MCEE: variants seen among roughly 807,000 people sequenced by gnomAD.
MCEE encodes methylmalonyl-CoA epimerase, mitochondrial.
In MCEE, 6 loss-of-function variants were observed where a neutral mutation model predicts 12.9. That is an observed-to-expected ratio of 0.47 (90% CI 0.26 to 0.92). The LOEUF (loss-of-function observed/expected upper bound fraction) is 0.92. Ranked by LOEUF, MCEE falls within the 40% of genes least tolerant of loss-of-function variation. The pLI is 0.16. For missense variants in MCEE, 214 were observed against 212.1 expected (o/e 1.01, Z -0.05); for synonymous variants, 78 against 77.9 (o/e 1.00, Z -0.01).
At position 71,109,869 on chromosome 2, in the gene MCEE, T is replaced by C; in HGVS notation, c.*101A>G. 2 of 1,136,388 alleles carry C rather than the reference T, an allele frequency of 1.8e-6. No homozygotes were observed. The highest frequency in any genetic ancestry group is 1.9e-5 in the Admixed American group (1 of 53,890). The allele number at this position is 1,136,388 out of a possible 1,614,324, so 70.4% of individuals were successfully genotyped here. A position where few individuals can be genotyped will look rare whatever the true frequency, so the allele number is the denominator to read the frequency against. ...TAATTCAGTCTTTAACTGTGAACTTTTACATGATGGAAGCAGTGAAGGACT... is the reference window on the plus strand; with the variant it reads ...TAATTCAGTCTTTAACTGTGAACTTCTACATGATGGAAGCAGTGAAGGACT... On this transcript the variant is annotated 3_prime_UTR_variant, in exon 3 of 3. Transcript: ENST00000244217.
chr2:71,115,864 C>T (rs971358825), intron 2 of MCEE, among the ~76,000 whole-genome samples: 3 of 149,128 alleles, frequency 2.0e-5, no homozygotes, highest in South Asian at 2.1e-4. Context: ...CTAATGTAGA[C>T]GACGGGTTAA....
intron 2 of MCEE, among the ~76,000 whole-genome samples, chr2:71,122,136 T>C: frequency 6.6e-6 from 1 of 152,084 alleles, no homozygotes. Context: ...ATGTTAGTTC[T>C]TTTTTTTGAG....
At chr2:71,121,027 C>A (rs1298242912) in intron 2 of MCEE, among the ~76,000 whole-genome samples, 1 of 152,178 alleles carries the variant, frequency 6.6e-6, no homozygotes, top group African/African-American at 2.4e-5. Flanking sequence ...AGCCACCATG[C>A]CCAGGTGACA....
At chr2:71,111,987 C>T (rs530205113) in intron 2 of MCEE, among the ~76,000 whole-genome samples, 69 of 152,218 alleles carry the variant, frequency 4.5e-4, no homozygotes, top group African/African-American at 1.6e-3. Context: ...CCAACTTGGC[C>T]GGAATCAGAT....
intron 1 of MCEE, among the ~76,000 whole-genome samples, chr2:71,127,668 C>T (rs1456257108): frequency 6.6e-6 from 1 of 152,156 alleles, no homozygotes; most frequent in African/African-American, 2.4e-5. Flanking sequence ...GCTCTGTAGC[C>T]CAGGCTGGAG....
rs559780397 is a variant in MCEE, at chr2:71,115,764, AATGAGAACAC to A, written c.379-5652_379-5643del. On this transcript the variant is annotated intron_variant, in intron 2 of 2. Coordinates refer to ENST00000244217, the MANE Select transcript of MCEE (RefSeq NM_032601.4). ...TCTCACTCATAAGTGGGAGTTGAAG[AATGAGAACAC>A]ATGGACACAGGGTGGGGAGTCATAT... 8.6e-4 allele frequency among the ~76,000 whole-genome samples: 124 copies of A among 144,198 alleles called. 1 individual carries two copies. In the East Asian group the frequency reaches 0.023, roughly 27 times the overall value. The allele number at this position is 144,198 out of a possible 152,430, so 94.6% of individuals were successfully genotyped here. A position where few individuals can be genotyped will look rare whatever the true frequency, so the allele number is the denominator to read the frequency against.
rs1672849806 is a variant in MCEE at position 71,109,874 on chromosome 2, T to C, written c.*96A>G. The stretch of plus-strand genomic sequence containing the variant: ...CAGTCTTTAACTGTGAACTTTTACA[T>C]GATGGAAGCAGTGAAGGACTCAATG... On this transcript the variant is annotated 3_prime_UTR_variant, in exon 3 of 3. Transcript: ENST00000244217. 2.5e-6 allele frequency: 3 copies of C among 1,180,878 alleles called. No homozygotes were observed. The highest frequency in any genetic ancestry group is 3.7e-6 in the Non-Finnish European group (3 of 806,370). The allele number at this position is 1,180,878 out of a possible 1,614,324, so 73.1% of individuals were successfully genotyped here. A position where few individuals can be genotyped will look rare whatever the true frequency, so the allele number is the denominator to read the frequency against.
At chr2:71,119,426 C>T (rs915592232) in intron 2 of MCEE, among the ~76,000 whole-genome samples, 1 of 150,604 alleles carries the variant, frequency 6.6e-6, no homozygotes, top group African/African-American at 2.5e-5. Context: ...CATGTGGACT[C>T]ATCACTGACT....
chr2:71,127,009 C>T (rs6546678), intron 1 of MCEE, among the ~76,000 whole-genome samples: 49,102 of 152,070 alleles, frequency 0.32, 9,934 homozygotes, highest in East Asian at 0.67. Context: ...TTGAATTCTG[C>T]AATGTTTAAT....
chr2:71,116,578 C>T (rs554770647), intron 2 of MCEE, among the ~76,000 whole-genome samples: 28 of 143,030 alleles, frequency 2.0e-4, no homozygotes, highest in South Asian at 2.2e-4. Context: ...GATGGAGTCT[C>T]GCTCTGTTAC....
rs1315823462 is a variant in MCEE, at chr2:71,109,922, T to G, written c.*48A>C. The G allele has an allele frequency of 6.3e-7, 1 of 1,599,384 alleles. No individual in the cohort carries two copies. Among genetic ancestry groups the G allele is most frequent in the South Asian group, 1.1e-5 (1 of 90,744 alleles). ...ATGTCATAGTACATTTTGATAGTAT[T>G]TGATAGGCTTTTTCAGGTCAATTAA... On this transcript the variant is annotated 3_prime_UTR_variant, in exon 3 of 3. Coordinates refer to ENST00000244217, the MANE Select transcript of MCEE (RefSeq NM_032601.4).
chr2:71,116,548 CTTTT>C (rs200248524), intron 2 of MCEE, among the ~76,000 whole-genome samples: 2 of 128,972 alleles, frequency 1.6e-5, no homozygotes, highest in Non-Finnish European at 1.6e-5. Flanking sequence ...GAATTCAAAA[CTTTT>C]TTTTTTTTTT....
intron 2 of MCEE, among the ~76,000 whole-genome samples, chr2:71,113,665 G>GA (rs1672934388): frequency 6.6e-6 from 1 of 151,968 alleles, no homozygotes; most frequent in Non-Finnish European, 1.5e-5. Context: ...AATCTGAGGG[G>GA]AAAAAAAGTA....
At chr2:71,112,167 C>G (rs974541049) in intron 2 of MCEE, among the ~76,000 whole-genome samples, 1 of 152,174 alleles carries the variant, frequency 6.6e-6, no homozygotes, top group African/African-American at 2.4e-5. Flanking sequence ...GACAGAGTCT[C>G]ACTCTGTCAC....
At chr2:71,116,116 T>G (rs1672987422) in intron 2 of MCEE, among the ~76,000 whole-genome samples, 1 of 150,198 alleles carries the variant, frequency 6.7e-6, no homozygotes, top group Admixed American at 6.6e-5. Flanking sequence ...AGTCTTGCTC[T>G]GTGGCCCAGG....
chr2:71,120,068 G>A (rs915667870), intron 2 of MCEE, among the ~76,000 whole-genome samples: 1 of 149,888 alleles, frequency 6.7e-6, no homozygotes, highest in Admixed American at 6.6e-5. Flanking sequence ...GAAAAAAATT[G>A]TAGAGGGAGA....
chr2:71,123,375 C>T (rs1158085751), intron 2 of MCEE, among the ~76,000 whole-genome samples: 1 of 151,892 alleles, frequency 6.6e-6, no homozygotes, highest in African/African-American at 2.4e-5. Context: ...CCTGTAATCC[C>T]AGCTACCTGG....
chr2:71,113,114 T>G (rs988919939), intron 2 of MCEE, among the ~76,000 whole-genome samples: 1 of 152,088 alleles, frequency 6.6e-6, no homozygotes, highest in Non-Finnish European at 1.5e-5. Flanking sequence ...AACAACGAAG[T>G]AGATGGATGG....
intron 2 of MCEE, among the ~76,000 whole-genome samples, chr2:71,122,094 C>T (rs563969795): frequency 6.6e-6 from 1 of 152,274 alleles, no homozygotes; most frequent in African/African-American, 2.4e-5. Context: ...TGTTGAGTTA[C>T]TTTGTAGACA....
Sources: gnomAD v4.1 joint callset for allele counts (sites outside exome capture counted in the v4.1 genomes callset) on GRCh38, gnomAD v4.1.1 for gene constraint, MANE v1.5 for transcripts, NCBI Gene and HGNC (gene_info 2026-07-23, HGNC 2026-07-21) for gene names.